KCNT2: variants seen among roughly 807,000 people sequenced by gnomAD.
The protein encoded by KCNT2 is potassium sodium-activated channel subfamily T member 2, also known as potassium channel subfamily T member 2.
In KCNT2, 67 loss-of-function variants were observed where a neutral mutation model predicts 153.8. The observed-to-expected ratio is 0.44, with a 90% CI of 0.36 to 0.53. KCNT2 has a LOEUF of 0.53. KCNT2 is among the 20% of genes least tolerant of loss of function. The pLI, the probability that KCNT2 is intolerant of heterozygous loss-of-function variation, is 0.00. For missense variants in KCNT2, 975 were observed against 1,354.8 expected (o/e 0.72, Z 4.40); for synonymous variants, 500 against 458.8 (o/e 1.09, Z -1.15).
At chr1:196,294,938 C>A (rs573004933) in intron 22 of KCNT2, among the ~76,000 whole-genome samples, 2 of 151,210 alleles carry the variant, frequency 1.3e-5, no homozygotes, top group African/African-American at 4.9e-5. Flanking sequence ...AAGAGTGCAA[C>A]GTTTCAGTTA....
intron 12 of KCNT2, among the ~76,000 whole-genome samples, chr1:196,411,100 TCCTTCCTTCCTTCCTTCCTTCCTC>T (rs1427967297): frequency 4.1e-5 from 3 of 72,572 alleles, no homozygotes; most frequent in South Asian, 6.4e-4. Context: ...CTTCCTTCCT[TCCTTCCTTCCTTCCTTCCTTCCTC>T]CCTTCTTTCC....
rs1359509703 is a variant in KCNT2, at chr1:196,406,388, T to C, written c.1186-7717A>G. On this transcript the variant is annotated intron_variant, in intron 12 of 27. Coordinates refer to ENST00000294725, the MANE Select transcript of KCNT2 (RefSeq NM_198503.5). ...AAAATAATTCAAAAGTGCTCTTAAA[T>C]AAAAATACCTTAAAAGAAAATAGCC... 7.9e-5 allele frequency among the ~76,000 whole-genome samples: 12 copies of C among 151,516 alleles called. No individual in the cohort carries two copies. In the South Asian group the frequency reaches 2.5e-3, roughly 31 times the overall value.
At chr1:196,389,623 C>T (rs1572270326) in intron 13 of KCNT2, among the ~76,000 whole-genome samples, 1 of 151,576 alleles carries the variant, frequency 6.6e-6, no homozygotes, top group Admixed American at 6.6e-5. Flanking sequence ...GATGTCAAAC[C>T]TCAAATGAGA....
chr1:196,582,487 A>G (rs1040860581), intron 1 of KCNT2: 1 of 154,318 alleles, frequency 6.5e-6, no homozygotes, highest in Admixed American at 6.6e-5. Flanking sequence ...CTGCAATTTT[A>G]TGCAAGCAGG....
chr1:196,481,630 A>G (rs919818339), intron 4 of KCNT2, among the ~76,000 whole-genome samples: 1 of 152,210 alleles, frequency 6.6e-6, no homozygotes, highest in African/African-American at 2.4e-5. Flanking sequence ...ACAGAAAATA[A>G]AAAGGATCTG....
chr1:196,320,083 AT>A (rs1663139508), intron 19 of KCNT2, among the ~76,000 whole-genome samples: 1 of 151,764 alleles, frequency 6.6e-6, no homozygotes, highest in Non-Finnish European at 1.5e-5. Flanking sequence ...CTCATGCAAA[AT>A]ATGTATTATA....
intron 16 of KCNT2, among the ~76,000 whole-genome samples, chr1:196,338,882 C>T (rs1049635946): frequency 2.4e-5 from 3 of 123,292 alleles, no homozygotes; most frequent in Admixed American, 1.0e-4. Flanking sequence ...ATGAGAAGAG[C>T]GGGTGGTGAA....
At chr1:196,601,501 A>C (rs1664718478) in intron 1 of KCNT2, among the ~76,000 whole-genome samples, 1 of 152,224 alleles carries the variant, frequency 6.6e-6, no homozygotes, top group African/African-American at 2.4e-5. Context: ...CTGTGAAAGA[A>C]CGATGTCAAT....
intron 8 of KCNT2, among the ~76,000 whole-genome samples, chr1:196,456,972 G>A (rs752460266): frequency 4.6e-5 from 7 of 151,832 alleles, no homozygotes; most frequent in Non-Finnish European, 8.8e-5. Context: ...TTTCCTGAGA[G>A]GAATTCTTTG....
intron 14 of KCNT2, among the ~76,000 whole-genome samples, chr1:196,367,871 T>C (rs1668175735): frequency 6.6e-6 from 1 of 152,160 alleles, no homozygotes; most frequent in Non-Finnish European, 1.5e-5. Context: ...GCCTTAAATA[T>C]AGCCTCAGTT....
At position 196,326,841 on chromosome 1, in the gene KCNT2, T is replaced by C; in HGVS notation, c.2152A>G (p.Asn718Asp). The C allele has an allele frequency of 6.3e-7, 1 of 1,588,084 alleles. No homozygotes were observed. Among genetic ancestry groups the C allele is most frequent in the Non-Finnish European group, 8.5e-7 (1 of 1,171,584 alleles). The change falls in exon 19 of 28, where the codon AAT becomes GAT. Residue 718 changes from asparagine to aspartate, a missense_variant. Around this residue, in one of 6 missense-constraint regions of KCNT2, gnomAD observed 325 missense variants for 388.1 expected, o/e 0.84. Transcript: ENST00000294725. ...YEDAKAYGFK[N>D]KLIIVAAETA... ...TCAGCTGCAACTATAATTAGTTTAT[T>C]TTTGAATCCATAGGCTTTTGCATCC...
intron 22 of KCNT2, among the ~76,000 whole-genome samples, chr1:196,295,898 C>T (rs1660632649): frequency 1.3e-5 from 2 of 151,826 alleles, no homozygotes; most frequent in Non-Finnish European, 2.9e-5. Flanking sequence ...AGTTTTATGA[C>T]ATGGAGGGTT....
chr1:196,524,643 A>C (rs1653936633), intron 1 of KCNT2, among the ~76,000 whole-genome samples: 1 of 152,154 alleles, frequency 6.6e-6, no homozygotes, highest in African/African-American at 2.4e-5. Flanking sequence ...CACTAAAGTC[A>C]TATATAATAA....
At chr1:196,232,798 T>G (rs1018151612) in intron 27 of KCNT2, among the ~76,000 whole-genome samples, 1 of 151,476 alleles carries the variant, frequency 6.6e-6, no homozygotes, top group Non-Finnish European at 1.5e-5. Flanking sequence ...GTTCTTAGTC[T>G]CAAAAGGGTG....
rs113287047 is a variant in KCNT2 at position 196,603,078 on chromosome 1, G to A, written c.95+5137C>T. ...TGGGATTACAGGCGTGAGCCACCGC[G>A]CCCGGCCCAAAGTCTATTTTTTATA... On this transcript the variant is annotated intron_variant, in intron 1 of 27. Transcript: ENST00000294725. Among the ~76,000 whole-genome samples, 507 of 152,154 alleles carry A rather than the reference G, an allele frequency of 3.3e-3. 2 individuals are homozygous for A. Among genetic ancestry groups the A allele is most frequent in the African/African-American group, 0.012 (481 of 41,516 alleles).
chr1:196,236,908 G>T (rs887591845), intron 26 of KCNT2, among the ~76,000 whole-genome samples: 22 of 151,456 alleles, frequency 1.5e-4, no homozygotes, highest in African/African-American at 5.3e-4. Flanking sequence ...ATATACTTCA[G>T]TAAACATAAT....
At chr1:196,258,938 G>A (rs1233792521) in intron 25 of KCNT2, among the ~76,000 whole-genome samples, 2 of 151,990 alleles carry the variant, frequency 1.3e-5, no homozygotes, top group African/African-American at 4.8e-5. Flanking sequence ...CTTAGATTTG[G>A]AATTAATGTT....
intron 1 of KCNT2, among the ~76,000 whole-genome samples, chr1:196,523,092 C>A (rs951457157): frequency 6.6e-6 from 1 of 152,220 alleles, no homozygotes; most frequent in Non-Finnish European, 1.5e-5. Flanking sequence ...CTGCGAAGGC[C>A]TGCAGCTTCA....
chr1:196,428,187 T>G lies in KCNT2; in HGVS notation c.902A>C (p.His301Pro). ...CAGTGAGCTGACACACAGGACGACA[T>G]GCTTTTCAGTTTGAGCTCTATGTCG... is the stretch of plus-strand genomic sequence containing the variant. Reference protein sequence around the residue: ...YSRHRAQTEKHVVLCVSSLKI... With the variant: ...YSRHRAQTEKPVVLCVSSLKI... Residue 301 changes from histidine to proline, a missense_variant, in exon 10 of 28, where the codon CAT becomes CCT. By Grantham distance (77) the His-to-Pro change is moderately conservative. Transcript: ENST00000294725. 6.2e-7 allele frequency: 1 copy of G among 1,612,478 alleles called. No individual in the cohort carries two copies. The highest frequency in any genetic ancestry group is 2.2e-5 in the East Asian group (1 of 44,720).
Sources: allele counts gnomAD v4.1 joint callset (sites outside exome capture counted in the v4.1 genomes callset), GRCh38; gene constraint gnomAD v4.1.1; regional missense constraint gnomAD v4.1.1; transcripts MANE v1.5; gene names NCBI Gene and HGNC (gene_info 2026-07-23, HGNC 2026-07-21).